ATG9B: variants seen among roughly 807,000 people sequenced by gnomAD.
The protein encoded by ATG9B is autophagy-related protein 9B.
A neutral mutation model predicts 92.9 loss-of-function variants in ATG9B; 92 were observed. The ratio of observed to expected loss-of-function variants is 0.99; its 90% CI spans 0.84 to 1.18. The LOEUF (loss-of-function observed/expected upper bound fraction) is 1.18. ATG9B is among the 50% of genes most tolerant of loss of function. ATG9B has a pLI of 0.00. For synonymous variants in ATG9B, 599 were observed against 551.4 expected (o/e 1.09, Z -1.21); for missense variants, 1,344 against 1,235.0 (o/e 1.09, Z -1.32).
chr7:151,016,571 C>A lies in ATG9B; in HGVS notation c.2424-44G>T, dbSNP rs574445643. ...CAGGTCAAAAGTCATGCCCTCCTCC[C>A]GCCACACCCCAGAGGACTCCCCTTC... On this transcript the variant is annotated intron_variant, in intron 10 of 13. Transcript: ENST00000639579. The A allele has an allele frequency of 7.8e-6, 12 of 1,544,618 alleles. No homozygotes were observed. The South Asian group carries it at 1.2e-4, about 15-fold the overall frequency.
chr7:151,012,587 C>A (rs920151704), downstream of ATG9B: 56 of 1,313,132 alleles, frequency 4.3e-5, no homozygotes, highest in Middle Eastern at 5.9e-4. Context: ...GTCCACAAAG[C>A]TGAAAAGACG....
Position 151,024,395 on chromosome 7 carries a change from C to T in ATG9B, c.29G>A (p.Arg10Lys). Reference sequence around the variant, plus strand: ...TCCCCACCGCCCCAGCCGCCTTCTTCTCCCCCCCCAGCCCATTCGGCTCAC... The same window carrying T: ...TCCCCACCGCCCCAGCCGCCTTCTTTTCCCCCCCCAGCCCATTCGGCTCAC... MVSRMGWGG[R>K]RRRLGRWGDL... Residue 10 changes from arginine (R) to lysine (K), a missense_variant, in exon 1 of 14, where the codon AGA (arginine) becomes AAA (lysine). Coordinates refer to ENST00000639579, the MANE Select transcript of ATG9B (RefSeq NM_001317056.2). 1 of 1,377,282 alleles carries T rather than the reference C, an allele frequency of 7.3e-7. No homozygotes were observed. Among genetic ancestry groups the T allele is most frequent in the Non-Finnish European group, 9.4e-7 (1 of 1,060,716 alleles). The allele number at this position is 1,377,282 out of a possible 1,614,324, so 85.3% of individuals were successfully genotyped here. A position where few individuals can be genotyped will look rare whatever the true frequency, so the allele number is the denominator to read the frequency against.
In ATG9B at chr7:151,016,444, A is replaced by G; in HGVS notation, c.2507T>C (p.Ile836Thr). The G allele has an allele frequency of 6.4e-7, 1 of 1,551,478 alleles. No homozygotes were observed. Among genetic ancestry groups the G allele is most frequent in the Non-Finnish European group, 8.7e-7 (1 of 1,146,960 alleles). Residue 836 changes from isoleucine (I) to threonine (T), a missense_variant, in exon 11 of 14, where the codon ATC becomes ACC. Ile to Thr is a moderately conservative substitution (Grantham distance 89). Coordinates refer to ENST00000639579, the MANE Select transcript of ATG9B (RefSeq NM_001317056.2). ...CCCTCTACTCACCTGGTGCAGGTAGATGACATGGAGACTCATCTCGGCAGA... is the reference window on the plus strand; with the variant it reads ...CCCTCTACTCACCTGGTGCAGGTAGGTGACATGGAGACTCATCTCGGCAGA... The part of the protein sequence containing the change: ...LASAEMSLHV[I>T]YLHQLHQQQQ...
intron 4 of ATG9B, 129 bp downstream of exon 4, chr7:151,022,916 A>G: frequency 2.6e-6 from 3 of 1,162,430 alleles, no homozygotes; most frequent in Non-Finnish European, 3.7e-6. Context: ...TATTAAGTGT[A>G]TTTTTGGTCC....
rs3918223 is a variant in ATG9B, at chr7:151,016,683, C to G, written c.2423+5G>C. On this transcript the variant is annotated splice_donor_5th_base_variant and intron_variant, in intron 10 of 13. Coordinates refer to ENST00000639579, the MANE Select transcript of ATG9B (RefSeq NM_001317056.2). Reference sequence around the variant, plus strand: ...TGCCCCTGCATCTCAGCCTCCACTCCTCACCTGGGGTCCTGGGCAATTCGG... The same window carrying G: ...TGCCCCTGCATCTCAGCCTCCACTCGTCACCTGGGGTCCTGGGCAATTCGG... 5.7e-4 allele frequency: 904 copies of G among 1,578,938 alleles called. 3 individuals are homozygous for G. The African/African-American group carries it at 0.01, about 18-fold the overall frequency.
downstream of ATG9B, chr7:151,014,025 C>A: frequency 6.2e-7 from 1 of 1,613,068 alleles, no homozygotes. Context: ...AACGCTACCA[C>A]GAAGACATTT....
intron 4 of ATG9B, among the ~76,000 whole-genome samples, chr7:151,021,713 A>C (rs1355457391): frequency 6.7e-6 from 1 of 149,906 alleles, no homozygotes; most frequent in Non-Finnish European, 1.5e-5. Flanking sequence ...GCAGTGGCGC[A>C]ATCTTGGCTC....
Position 151,018,054 on chromosome 7 carries a change from G to A in ATG9B, c.1873-4C>T, listed in dbSNP as rs369244144. ...GGAGCTCCTCCAGGAGGGAGACCTG[G>A]GGAAGCAGCGGTGAGGCTGAGCAGG... On this transcript the variant is annotated splice_region_variant and splice_polypyrimidine_tract_variant and intron_variant, in intron 7 of 13. Coordinates refer to ENST00000639579, the MANE Select transcript of ATG9B (RefSeq NM_001317056.2). This position sits in a 1 kb window ranked among gnomAD's most constrained non-coding sequence, Gnocchi z 4.7. The A allele has an allele frequency of 2.5e-6, 4 of 1,572,768 alleles. No homozygotes were observed. The highest frequency in any genetic ancestry group is 1.2e-5 in the South Asian group (1 of 85,958).
In ATG9B at chr7:151,018,266, C is replaced by T; in HGVS notation, c.1872+28G>A. The T allele has an allele frequency of 6.6e-7, 1 of 1,517,990 alleles. No individual in the cohort carries two copies. Among genetic ancestry groups the T allele is most frequent in the Non-Finnish European group, 8.8e-7 (1 of 1,141,868 alleles). The allele number at this position is 1,517,990 out of a possible 1,614,324, so 94.0% of individuals were successfully genotyped here. A position where few individuals can be genotyped will look rare whatever the true frequency, so the allele number is the denominator to read the frequency against. On this transcript the variant is annotated intron_variant, in intron 7 of 13. Coordinates refer to ENST00000639579, the MANE Select transcript of ATG9B (RefSeq NM_001317056.2). The surrounding 1 kb of genome is among the most constrained non-coding windows in gnomAD (Gnocchi z 4.7). ...CGCAGACAGACCCCACAACTTCCTCCTCAGCCCGCCGTCGCGCCCACCCTC... is the reference window on the plus strand; with the variant it reads ...CGCAGACAGACCCCACAACTTCCTCTTCAGCCCGCCGTCGCGCCCACCCTC...
chr7:151,014,962 ATG>A (rs1795421007), downstream of ATG9B: 1 of 152,180 alleles, frequency 6.6e-6, no homozygotes, highest in Non-Finnish European at 1.5e-5. Context: ...AGTTGTGGGT[ATG>A]TGGTGGGGAA....
Position 151,023,129 on chromosome 7 carries a change from G to C in ATG9B, c.737C>G (p.Pro246Arg). 1 of 1,614,136 alleles carries C rather than the reference G, an allele frequency of 6.2e-7. No individual in the cohort carries two copies. Among genetic ancestry groups the C allele is most frequent in the Non-Finnish European group, 8.5e-7 (1 of 1,180,030 alleles). Residue 246 changes from proline to arginine, a missense_variant, in exon 4 of 14, where the codon CCA (proline) becomes CGA (arginine). Pro to Arg is a moderately radical substitution (Grantham distance 103, BLOSUM62 -2). Coordinates refer to ENST00000639579, the MANE Select transcript of ATG9B (RefSeq NM_001317056.2). ...VDYNVLFANQ[P>R]SNHTRPGPFH... is the part of the protein sequence containing the mutation. ...CGGCCCAGGTCTGGTATGGTTACTT[G>C]GTTGGTTGGCAAAGAGAACATTGTA... is the stretch of plus-strand genomic sequence containing the variant.
At chr7:151,023,291 C>T (rs561846583) in intron 3 of ATG9B, 85 bp from the exon 4 acceptor site, 3 of 1,603,966 alleles carry the variant, frequency 1.9e-6, no homozygotes, top group African/African-American at 1.3e-5. Context: ...CAGAGCAGCC[C>T]ATGGTTATCC....
Position 151,015,654 on chromosome 7 carries a change from G to A in ATG9B, c.*74C>T. 1 of 470,410 alleles carries A rather than the reference G, an allele frequency of 2.1e-6. No homozygotes were observed. Among genetic ancestry groups the A allele is most frequent in the Non-Finnish European group, 3.5e-6 (1 of 282,676 alleles). 29.1% of individuals were successfully genotyped at this position (470,410 alleles called of 1,614,324 possible). On this transcript the variant is annotated 3_prime_UTR_variant, in exon 14 of 14. Transcript: ENST00000639579. The stretch of plus-strand genomic sequence containing the variant: ...TGTCATCTATGGGGCCTCTAACAAT[G>A]ACTCCTTGTGTTTTTCTACTCCACC...
At position 151,023,170 on chromosome 7, in the gene ATG9B, G is replaced by A. The variant is rs554176591; in HGVS notation, c.696C>T (p.Leu232=). ...FIFIVTFTTF[L]LRCVDYNVLF... is the part of the protein sequence containing the mutation. ...GAACATTGTAATCCACGCATCGAAGGAGGAAGGTTGTGAAGGTGACAATGA... is the reference window on the plus strand; with the variant it reads ...GAACATTGTAATCCACGCATCGAAGAAGGAAGGTTGTGAAGGTGACAATGA... The change falls in exon 4 of 14, where the codon CTC becomes CTT. Residue 232 remains leucine (L), a synonymous_variant. Coordinates refer to ENST00000639579, the MANE Select transcript of ATG9B (RefSeq NM_001317056.2). The A allele has an allele frequency of 6.8e-4, 1,094 of 1,614,216 alleles. 12 individuals carry two copies. The highest frequency in any genetic ancestry group is 5.6e-5 in the Non-Finnish European group (66 of 1,180,046).
In ATG9B at chr7:151,018,151, T is replaced by G; in HGVS notation, c.1873-101A>C. The G allele has an allele frequency of 6.8e-7, 1 of 1,465,954 alleles. No individual in the cohort carries two copies. The highest frequency in any genetic ancestry group is 9.0e-7 in the Non-Finnish European group (1 of 1,107,812). The allele number at this position is 1,465,954 out of a possible 1,614,324, so 90.8% of individuals were successfully genotyped here. A position where few individuals can be genotyped will look rare whatever the true frequency, so the allele number is the denominator to read the frequency against. On this transcript the variant is annotated intron_variant, in intron 7 of 13. Transcript: ENST00000639579. This position sits in a 1 kb window ranked among gnomAD's most constrained non-coding sequence, Gnocchi z 4.7. ...GCGACCCTCGCCAGGGCAAGAAGCC[T>G]CCCCACCCAGTCACTCCCTAGACTC...
At position 151,021,225 on chromosome 7, in the gene ATG9B, A is replaced by G. The variant is rs368077229; in HGVS notation, c.926T>C (p.Ile309Thr). ...SVCNLFSYWDIQVFYREALHI... is the reference protein window; with the variant it reads ...SVCNLFSYWDTQVFYREALHI... ...CAGGGCCTCCCTGTAAAACACCTGG[A>G]TGTCCCAGTAGCTGAAGAGGTTGCA... The change falls in exon 5 of 14, where the codon ATC (isoleucine) becomes ACC (threonine). Residue 309 changes from isoleucine (I) to threonine (T), a missense_variant. Coordinates refer to ENST00000639579, the MANE Select transcript of ATG9B (RefSeq NM_001317056.2). The G allele has an allele frequency of 1.9e-6, 3 of 1,613,426 alleles. No individual in the cohort carries two copies. In the African/African-American group the frequency reaches 4.0e-5, roughly 22 times the overall value.
At position 151,016,147 on chromosome 7, in the gene ATG9B, G is replaced by A. The variant is rs770366000; in HGVS notation, c.2609C>T (p.Pro870Leu). ...GGATGGCTTCTCCTCATCAGGCGAG[G>A]GTGGCTGTGAGGGGCTGGAGCAGGG... ...SRPCSSPSQP[P>L]SPDEEKPSWS... Residue 870 changes from proline to leucine, a missense_variant, in exon 12 of 14, where the codon CCC becomes CTC. Physicochemically the swap from Pro to Leu is moderately conservative, Grantham distance 98 (BLOSUM62 -3). Transcript: ENST00000639579. 6.5e-7 allele frequency: 1 copy of A among 1,540,954 alleles called. No homozygotes were observed. Among genetic ancestry groups the A allele is most frequent in the South Asian group, 1.2e-5 (1 of 82,498 alleles).
chr7:151,019,784 G>C (rs1457683465), intron 5 of ATG9B: 1 of 166,870 alleles, frequency 6.0e-6, no homozygotes, highest in African/African-American at 2.4e-5. Flanking sequence ...CACTTTGGGA[G>C]GCTGAGGCAG....
chr7:151,016,979 G>A, intron 9 of ATG9B, 57 bp downstream of exon 9: 1 of 1,533,668 alleles, frequency 6.5e-7, no homozygotes, highest in South Asian at 1.2e-5. Context: ...GAGGGGAAGG[G>A]TTTGGAGAGG....
Sources: allele counts gnomAD v4.1 joint callset (sites outside exome capture counted in the v4.1 genomes callset), GRCh38; gene constraint gnomAD v4.1.1; non-coding constraint Gnocchi (gnomAD v3.1); transcripts MANE v1.5; gene names NCBI Gene and HGNC (gene_info 2026-07-23, HGNC 2026-07-21).